SPOCK2: variants seen among roughly 807,000 people sequenced by gnomAD.
SPOCK2 encodes SPARC (osteonectin), cwcv and kazal like domains proteoglycan 2.
Under a neutral mutation model 60.1 loss-of-function variants are expected in SPOCK2, and 39 were observed. That is an observed-to-expected ratio of 0.65 (90% CI 0.50 to 0.85). SPOCK2 has a LOEUF of 0.85. SPOCK2 is among the 40% of genes least tolerant of loss of function. The probability of loss-of-function intolerance (pLI) is 0.00; values close to 1 mark genes in which losing one functional copy is unlikely to be tolerated. For synonymous variants in SPOCK2, 217 were observed against 231.5 expected, an observed-to-expected ratio of 0.94 and a Z score of 0.57; for missense variants, 523 against 567.4, an observed-to-expected ratio of 0.92 and a Z score of 0.80.
intron 1 of SPOCK2, among the ~76,000 whole-genome samples, chr10:72,085,219 G>T (rs1215541535): frequency 1.3e-5 from 2 of 152,196 alleles, no homozygotes; most frequent in African/African-American, 4.8e-5. Context: ...GGACTGCCCA[G>T]GGCAGGGTAC....
intron 1 of SPOCK2, among the ~76,000 whole-genome samples, chr10:72,082,441 A>G (rs368113062): frequency 1.1e-4 from 16 of 152,260 alleles, no homozygotes; most frequent in African/African-American, 3.9e-4. Context: ...TCCCCCCCAG[A>G]CCCATATGCT....
In SPOCK2 at chr10:72,070,302, G is replaced by A. The variant is rs544438866; in HGVS notation, c.474+10C>T. 3.8e-5 allele frequency: 61 copies of A among 1,613,536 alleles called. No homozygotes were observed. Among genetic ancestry groups the A allele is most frequent in the Non-Finnish European group, 4.9e-5 (58 of 1,179,712 alleles). ...CCACCCCCACCCTACCTGGGGCCTG[G>A]GCTCCTCACCACAGAGCTGTAAGTG... is the stretch of plus-strand genomic sequence containing the variant. On this transcript the variant is annotated intron_variant, in intron 5 of 10. Coordinates refer to ENST00000373109, the MANE Select transcript of SPOCK2 (RefSeq NM_001244950.2).
rs1206612666 is a variant in SPOCK2, at chr10:72,087,634, A to G, written c.189+506T>C. Among the ~76,000 whole-genome samples, 1 of 152,064 alleles carries G rather than the reference A, an allele frequency of 6.6e-6. No homozygotes were observed. Among genetic ancestry groups the G allele is most frequent in the Non-Finnish European group, 1.5e-5 (1 of 67,996 alleles). On this transcript the variant is annotated intron_variant, in intron 1 of 10. Coordinates refer to ENST00000373109, the MANE Select transcript of SPOCK2 (RefSeq NM_001244950.2). This position sits in a 1 kb window ranked among gnomAD's most constrained non-coding sequence, Gnocchi z 4.7. ...CGTCCCATGCTGTCCCCCTCCCGCA[A>G]AGCCCACGGTGGGAACAGAGGGCAC...
intron 1 of SPOCK2, among the ~76,000 whole-genome samples, chr10:72,077,509 C>A (rs561647784): frequency 6.6e-6 from 1 of 152,084 alleles, no homozygotes; most frequent in Admixed American, 6.6e-5. Context: ...CCAGCTCGGG[C>A]CACGCTTCTG....
Position 72,072,529 on chromosome 10 carries a change from C to A in SPOCK2, c.218G>T (p.Trp73Leu). The change falls in exon 3 of 11, where the codon TGG (tryptophan) becomes TTG (leucine). Residue 73 changes from tryptophan to leucine, a missense_variant. Trp to Leu is a moderately conservative substitution (Grantham distance 61). Coordinates refer to ENST00000373109, the MANE Select transcript of SPOCK2 (RefSeq NM_001244950.2). ...TTCATCTCCTTGCTGATTGTCCTCCCAGCTCTTGATATAGTCATCCTAGAG... is the reference window on the plus strand; with the variant it reads ...TTCATCTCCTTGCTGATTGTCCTCCAAGCTCTTGATATAGTCATCCTAGAG... ...DEVEDDYIKSWEDNQQGDEAL... is the reference protein window; with the variant it reads ...DEVEDDYIKSLEDNQQGDEAL... 6.2e-7 allele frequency: 1 copy of A among 1,614,040 alleles called. No individual in the cohort carries two copies. The highest frequency in any genetic ancestry group is 8.5e-7 in the Non-Finnish European group (1 of 1,180,016).
intron 5 of SPOCK2, chr10:72,070,092 G>T (rs1840625997): frequency 5.8e-6 from 3 of 515,516 alleles, no homozygotes; most frequent in Admixed American, 3.4e-5. Context: ...ACCTGTCCGA[G>T]GTCAGGGACA....
chr10:72,064,649 C>T (rs186039617), intron 8 of SPOCK2, among the ~76,000 whole-genome samples: 1 of 152,350 alleles, frequency 6.6e-6, no homozygotes, highest in Non-Finnish European at 1.5e-5. Flanking sequence ...CTTCAGTCAA[C>T]AATGGACGGT....
At position 72,072,488 on chromosome 10, in the gene SPOCK2, G is replaced by A. The variant is rs1165853540; in HGVS notation, c.244+15C>T. The A allele has an allele frequency of 1.9e-6, 3 of 1,613,792 alleles. No individual in the cohort carries two copies. The Admixed American group carries it at 5.0e-5, about 27-fold the overall frequency. On this transcript the variant is annotated intron_variant, in intron 3 of 10. Coordinates refer to ENST00000373109, the MANE Select transcript of SPOCK2 (RefSeq NM_001244950.2). ...ACGTGTCAGTCACCTTCCCCCGCCG[G>A]GAGAGTCATGTTACCTTCATCTCCT... is the stretch of plus-strand genomic sequence containing the variant.
chr10:72,079,350 T>C (rs527635487), intron 1 of SPOCK2, among the ~76,000 whole-genome samples: 37 of 152,278 alleles, frequency 2.4e-4, no homozygotes, highest in Admixed American at 3.9e-4. Context: ...GCAGGGAGTT[T>C]TGCAGCCAGG....
At position 72,072,835 on chromosome 10, in the gene SPOCK2, G is replaced by C. The variant is rs1840667902; in HGVS notation, c.198+67C>G. The C allele has an allele frequency of 7.1e-6, 11 of 1,550,154 alleles. No homozygotes were observed. In the South Asian group the frequency reaches 1.3e-4, roughly 18 times the overall value. ...GGCAAGTCAGAATGAGGGTGTGGAG[G>C]GACACAGGAGGGGAGGGGGTGTGCT... On this transcript the variant is annotated intron_variant, in intron 2 of 10. Transcript: ENST00000373109.
chr10:72,088,595 C>A, upstream of SPOCK2: 5 of 371,286 alleles, frequency 1.3e-5, no homozygotes, highest in Middle Eastern at 6.9e-4. Flanking sequence ...GCATCAGCAT[C>A]ACGTTTGACA....
chr10:72,067,229 G>A, intron 7 of SPOCK2, 109 bp from the exon 8 acceptor site: 1 of 1,158,992 alleles, frequency 8.6e-7, no homozygotes. Context: ...CTGGGTCTGG[G>A]CAGCTTGGAA....
chr10:72,074,472 G>C (rs1250305340), intron 1 of SPOCK2, among the ~76,000 whole-genome samples: 1 of 152,252 alleles, frequency 6.6e-6, no homozygotes, highest in African/African-American at 2.4e-5. Flanking sequence ...AGGCATGTTT[G>C]TGTGTATGCA....
At chr10:72,082,480 T>C (rs1422685133) in intron 1 of SPOCK2, among the ~76,000 whole-genome samples, 2 of 151,988 alleles carry the variant, frequency 1.3e-5, no homozygotes, top group African/African-American at 4.8e-5. Flanking sequence ...GGGAGTCGAT[T>C]AGGAGGCGGG....
chr10:72,063,198 G>C (rs1233083666), intron 9 of SPOCK2, 36 bp from the exon 10 acceptor site: 1 of 1,552,280 alleles, frequency 6.4e-7, no homozygotes, highest in Non-Finnish European at 8.7e-7. Flanking sequence ...TCAGAGCAGG[G>C]GCCCAGGCTG....
rs1840878703 is a variant in SPOCK2, at chr10:72,087,610, G to T, written c.189+530C>A. On this transcript the variant is annotated intron_variant, in intron 1 of 10. Coordinates refer to ENST00000373109, the MANE Select transcript of SPOCK2 (RefSeq NM_001244950.2). This position sits in a 1 kb window ranked among gnomAD's most constrained non-coding sequence, Gnocchi z 4.7. The stretch of plus-strand genomic sequence containing the variant: ...GACCCAGAGCCCCGGTCACACTCCC[G>T]TCCCATGCTGTCCCCCTCCCGCAAA... Among the ~76,000 whole-genome samples the T allele has an allele frequency of 6.6e-6, 1 of 152,122 alleles. No individual in the cohort carries two copies. Among genetic ancestry groups the T allele is most frequent in the Non-Finnish European group, 1.5e-5 (1 of 67,998 alleles).
At chr10:72,072,836 G>T in intron 2 of SPOCK2, 66 bp downstream of exon 2, 1 of 1,550,650 alleles carries the variant, frequency 6.4e-7, no homozygotes, top group South Asian at 1.2e-5. Context: ...GGTGTGGAGG[G>T]ACACAGGAGG....
At chr10:72,073,222 C>T (rs1047443128) in intron 1 of SPOCK2, among the ~76,000 whole-genome samples, 3 of 152,202 alleles carry the variant, frequency 2.0e-5, no homozygotes, top group Admixed American at 6.5e-5. Context: ...GACAGATGTC[C>T]GAGGTGCCCA....
chr10:72,082,089 CAGA>C (rs1330380162), intron 1 of SPOCK2, among the ~76,000 whole-genome samples: 5 of 152,236 alleles, frequency 3.3e-5, no homozygotes, highest in Non-Finnish European at 5.9e-5. Context: ...CAAATACCAG[CAGA>C]AGGACTCTGA....
Sources: allele counts gnomAD v4.1 joint callset (sites outside exome capture counted in the v4.1 genomes callset), GRCh38; gene constraint gnomAD v4.1.1; non-coding constraint Gnocchi (gnomAD v3.1); transcripts MANE v1.5; gene names NCBI Gene and HGNC (gene_info 2026-07-23, HGNC 2026-07-21).